Variants in CXADR observed in about 807,000 individuals in gnomAD.
CXADR encodes coxsackievirus and adenovirus receptor.
In CXADR, 20 loss-of-function variants were observed where a neutral mutation model predicts 40.3. The observed-to-expected ratio is 0.50, with a 90% confidence interval of 0.35 to 0.72. The LOEUF (loss-of-function observed/expected upper bound fraction) is 0.72, where lower values mean the gene tolerates loss of function less well. Among genes scored for constraint, CXADR ranks in the 30% least tolerant of loss-of-function variants. The pLI, the probability that CXADR is intolerant of heterozygous loss-of-function variation, is 0.01. For missense variants in CXADR, 332 were observed against 449.1 expected (o/e 0.74, Z 2.36); for synonymous variants, 150 against 161.3 (o/e 0.93, Z 0.53).
At chr21:17,631,261 T>C in the CXADR span, among the ~76,000 whole-genome samples, 1 of 152,242 alleles carries the variant, frequency 6.6e-6, no homozygotes, top group African/African-American at 2.4e-5. Flanking sequence ...TAGGTTCATG[T>C]AGTTTTACAG....
Position 17,566,556 on chromosome 21 carries a change from T to G in CXADR, c.*864T>G. On this transcript the variant is annotated 3_prime_UTR_variant, in exon 7 of 7. Transcript: ENST00000284878. ...GTATCTCATAGTTCCCAGGTGATATTTTTCTTATTAGAAAAATATTATAAC... is the reference window on the plus strand; with the variant it reads ...GTATCTCATAGTTCCCAGGTGATATGTTTCTTATTAGAAAAATATTATAAC... 7.1e-6 allele frequency: 7 copies of G among 984,500 alleles called. No individual in the cohort carries two copies. The highest frequency in any genetic ancestry group is 8.4e-6 in the Non-Finnish European group (7 of 829,082). 61.0% of individuals were successfully genotyped at this position (984,500 alleles called of 1,614,324 possible). A position where few individuals can be genotyped will look rare whatever the true frequency, so the allele number is the denominator to read the frequency against.
chr21:17,517,403 G>A (rs1386439336), intron 1 of CXADR, among the ~76,000 whole-genome samples: 3 of 152,160 alleles, frequency 2.0e-5, no homozygotes, highest in East Asian at 3.8e-4. Flanking sequence ...CCAGAGGTAG[G>A]TTCAAGGCCA....
chr21:17,530,127 T>TTTTTC (rs1445044893), intron 1 of CXADR, among the ~76,000 whole-genome samples: 102 of 144,422 alleles, frequency 7.1e-4, no homozygotes, highest in Non-Finnish European at 1.3e-3. Flanking sequence ...TTTTTTTTTT[T>TTTTTC]TTTTTGTATT....
the CXADR span, among the ~76,000 whole-genome samples, chr21:17,611,013 A>G: frequency 6.6e-6 from 1 of 152,090 alleles, no homozygotes; most frequent in South Asian, 2.1e-4. Flanking sequence ...GAACCCTAGA[A>G]TGAGAAATTC....
At chr21:17,594,370 A>G (rs1185756181), downstream of CXADR, 2 of 1,580,686 alleles carry the variant, frequency 1.3e-6, no homozygotes, top group Admixed American at 1.8e-5. Flanking sequence ...ATTCAAAGGA[A>G]AAAATCATCA....
chr21:17,529,907 C>G (rs1277422569), intron 1 of CXADR, among the ~76,000 whole-genome samples: 1 of 151,848 alleles, frequency 6.6e-6, no homozygotes, highest in Non-Finnish European at 1.5e-5. Flanking sequence ...CCCTGTCATG[C>G]CCCTTCCAGT....
chr21:17,513,554 C>T (rs2060420067), intron 1 of CXADR, among the ~76,000 whole-genome samples: 1 of 152,232 alleles, frequency 6.6e-6, no homozygotes, highest in Admixed American at 6.5e-5. Context: ...TTCTCTCCAG[C>T]GTTACCCGAT....
chr21:17,595,778 C>T (rs548264565), downstream of CXADR, among the ~76,000 whole-genome samples: 6 of 152,022 alleles, frequency 3.9e-5, no homozygotes, highest in South Asian at 2.1e-4. Context: ...GGCATATTTT[C>T]GTTTCTTTTG....
intron 6 of CXADR, among the ~76,000 whole-genome samples, chr21:17,564,390 G>A (rs898828637): frequency 3.3e-5 from 5 of 151,308 alleles, no homozygotes; most frequent in Admixed American, 6.6e-5. Context: ...TGTATACTTC[G>A]AGTCATCTCT....
At chr21:17,561,317 T>C (rs1569130457) in intron 5 of CXADR, 21 bp from the exon 6 acceptor site, 1 of 1,434,332 alleles carries the variant, frequency 7.0e-7, no homozygotes, top group Non-Finnish European at 9.5e-7. Flanking sequence ...TATTTTTTAC[T>C]ATTAATTCTT....
Position 17,530,554 on chromosome 21 carries a change from C to T in CXADR, c.44-16473C>T, listed in dbSNP as rs569453674. ...GAAGGCCGGGCGTGGTGGCTCACGC[C>T]TGTAATCCCAGCACTTCGAGAGGCC... On this transcript the variant is annotated intron_variant, in intron 1 of 6. Transcript: ENST00000284878. 569 of 350,726 alleles carry T rather than the reference C, an allele frequency of 1.6e-3. 7 individuals carry two copies. Among genetic ancestry groups the T allele is most frequent in the South Asian group, 0.011 (507 of 46,612 alleles). The allele number at this position is 350,726 out of a possible 1,614,324, so 21.7% of individuals were successfully genotyped here. A position where few individuals can be genotyped will look rare whatever the true frequency, so the allele number is the denominator to read the frequency against.
chr21:17,630,369 C>T, the CXADR span, among the ~76,000 whole-genome samples: 1 of 152,250 alleles, frequency 6.6e-6, no homozygotes, highest in Non-Finnish European at 1.5e-5. Flanking sequence ...GAAAACAAAT[C>T]TTAGAAATCC....
chr21:17,534,100 A>ATATATATTTT (rs1179683085), intron 1 of CXADR, among the ~76,000 whole-genome samples: 1 of 60,070 alleles, frequency 1.7e-5, no homozygotes, highest in East Asian at 5.9e-4. Flanking sequence ...ATATATATAT[A>ATATATATTTT]TTTTTTTTTT....
At chr21:17,529,484 C>T (rs2060642654) in intron 1 of CXADR, among the ~76,000 whole-genome samples, 1 of 152,062 alleles carries the variant, frequency 6.6e-6, no homozygotes, top group African/African-American at 2.4e-5. Context: ...CCACGCCCTG[C>T]TAATTTTTGT....
chr21:17,532,476 C>G (rs1179697110), intron 1 of CXADR, among the ~76,000 whole-genome samples: 1 of 151,052 alleles, frequency 6.6e-6, no homozygotes, highest in Non-Finnish European at 1.5e-5. Context: ...TCACATCTCT[C>G]AAGCACTGTG....
downstream of CXADR, among the ~76,000 whole-genome samples, chr21:17,574,966 T>C (rs144797370): frequency 0.013 from 1,518 of 118,244 alleles, 18 homozygotes; most frequent in East Asian, 0.063. Context: ...AATGGAAAAA[T>C]ATGGAATATA....
intron 3 of CXADR, among the ~76,000 whole-genome samples, chr21:17,556,168 A>G (rs1271255308): frequency 6.6e-6 from 1 of 152,202 alleles, no homozygotes; most frequent in African/African-American, 2.4e-5. Context: ...CCAAAGAAAC[A>G]TTTAGGAGAC....
the CXADR span, among the ~76,000 whole-genome samples, chr21:17,604,433 G>A: frequency 6.6e-6 from 1 of 152,000 alleles, no homozygotes; most frequent in Non-Finnish European, 1.5e-5. Flanking sequence ...CAACAAGAGT[G>A]AAACTCCGTC....
the CXADR span, chr21:17,609,193 A>G: frequency 6.4e-6 from 10 of 1,572,616 alleles, no homozygotes; most frequent in Non-Finnish European, 6.9e-6. Flanking sequence ...AACAAAATAT[A>G]AAAACTGGGA....
Sources: gnomAD v4.1 joint callset for allele counts (sites outside exome capture counted in the v4.1 genomes callset) on GRCh38, gnomAD v4.1.1 for gene constraint, MANE v1.5 for transcripts, NCBI Gene and HGNC (gene_info 2026-07-23, HGNC 2026-07-21) for gene names.